MTCH2: variants seen among roughly 807,000 people sequenced by gnomAD.
MTCH2 encodes the protein mitochondrial carrier 2, also known as mitochondrial carrier homolog 2.
Under a neutral mutation model 50.6 loss-of-function variants are expected in MTCH2, and 25 were observed. That is an observed-to-expected ratio of 0.49 (90% confidence interval 0.36 to 0.69). MTCH2 has a LOEUF of 0.69. Ranked by LOEUF, MTCH2 falls within the 30% of genes least tolerant of loss-of-function variation. The probability of loss-of-function intolerance (pLI) is 0.00; values close to 1 mark genes in which losing one functional copy is unlikely to be tolerated. For missense variants in MTCH2, 273 were observed against 384.4 expected, an observed-to-expected ratio of 0.71 and a Z score of 2.42; for synonymous variants, 106 against 132.0, an observed-to-expected ratio of 0.80 and a Z score of 1.35.
Position 47,625,525 on chromosome 11 carries a change from T to A in MTCH2, c.749+149A>T, listed in dbSNP as rs1028744582. Reference sequence around the variant, plus strand: ...AAAAATTAGGAATCTTCTAATGGTATCAATTATACTTTTCCTCCCCCCCTT... The same window carrying A: ...AAAAATTAGGAATCTTCTAATGGTAACAATTATACTTTTCCTCCCCCCCTT... On this transcript the variant is annotated intron_variant, in intron 11 of 12. Coordinates refer to ENST00000302503, the MANE Select transcript of MTCH2 (RefSeq NM_014342.4). The A allele has an allele frequency of 8.4e-5, 46 of 545,608 alleles. No individual in the cohort carries two copies. The Middle Eastern group carries it at 1.1e-3, about 13-fold the overall frequency. The allele number at this position is 545,608 out of a possible 1,614,324, so 33.8% of individuals were successfully genotyped here.
intron 5 of MTCH2, 95 bp from the exon 6 acceptor site, chr11:47,631,806 G>A: frequency 7.7e-7 from 1 of 1,296,462 alleles, no homozygotes; most frequent in Non-Finnish European, 1.1e-6. Flanking sequence ...TATAGGATAA[G>A]AAAGTGAATG....
intron 1 of MTCH2, among the ~76,000 whole-genome samples, chr11:47,641,022 G>A (rs968820454): frequency 2.0e-5 from 3 of 151,856 alleles, no homozygotes; most frequent in Non-Finnish European, 4.4e-5. Flanking sequence ...TCAGCCTCCC[G>A]ACTAGCTGGG....
chr11:47,615,547 G>A (rs570193812), downstream of MTCH2, among the ~76,000 whole-genome samples: 12 of 152,126 alleles, frequency 7.9e-5, no homozygotes, highest in South Asian at 1.5e-3. Flanking sequence ...TCTAGAATAG[G>A]AAATTATAGT....
the MTCH2 span, among the ~76,000 whole-genome samples, chr11:47,604,748 G>A: frequency 2.0e-5 from 3 of 151,988 alleles, no homozygotes; most frequent in East Asian, 1.9e-4. Flanking sequence ...TGAAATAATC[G>A]CTAAGAAATG....
chr11:47,630,554 C>T lies in MTCH2; in HGVS notation c.539+1G>A. On this transcript the variant is annotated splice_donor_variant, in intron 8 of 12. Transcript: ENST00000302503. LOFTEE classifies it high-confidence loss of function. ...TTACACACTAATCAACATTTACTCA[C>T]GCGAAAAATCCTAGAATGCCCTCTT... 2 of 1,609,520 alleles carry T rather than the reference C, an allele frequency of 1.2e-6. No individual in the cohort carries two copies. Among genetic ancestry groups the T allele is most frequent in the Non-Finnish European group, 1.7e-6 (2 of 1,175,836 alleles).
In MTCH2 at chr11:47,628,975, T is replaced by A. The variant is rs1273517095; in HGVS notation, c.611A>T (p.Asn204Ile). The change falls in exon 9 of 13, where the codon AAT becomes ATT. Residue 204 changes from asparagine to isoleucine, a missense_variant. Asn to Ile is a moderately radical substitution (Grantham distance 149). Around this residue, in one of 2 missense-constraint regions of MTCH2, gnomAD observed 70 missense variants for 140.1 expected, o/e 0.50. Coordinates refer to ENST00000302503, the MANE Select transcript of MTCH2 (RefSeq NM_014342.4). ...WLCNSLAYLV[N>I]TYALDSGVST... is the part of the protein sequence containing the mutation. ...TACCCCACTGTCCAGTGCATAGGTA[T>A]TGACGAGGTAGGCCAGTGAGTTACA... The A allele has an allele frequency of 6.2e-7, 1 of 1,613,796 alleles. No homozygotes were observed. Among genetic ancestry groups the A allele is most frequent in the African/African-American group, 1.3e-5 (1 of 74,854 alleles).
downstream of MTCH2, among the ~76,000 whole-genome samples, chr11:47,612,708 A>G (rs2097286280): frequency 6.6e-6 from 1 of 151,672 alleles, no homozygotes; most frequent in Admixed American, 6.6e-5. Flanking sequence ...AGCCTGGGCA[A>G]CCAGAGTGAG....
chr11:47,635,472 CAA>C, intron 4 of MTCH2, 71 bp downstream of exon 4: 1 of 1,543,606 alleles, frequency 6.5e-7, no homozygotes, highest in South Asian at 1.1e-5. Flanking sequence ...GGCTTTTCTC[CAA>C]AAGAGGCCCC....
At chr11:47,610,326 G>C in the MTCH2 span, among the ~76,000 whole-genome samples, 2 of 152,166 alleles carry the variant, frequency 1.3e-5, no homozygotes, top group Non-Finnish European at 2.9e-5. Flanking sequence ...TCTATACTTG[G>C]AAAGTAGCCC....
At chr11:47,626,991 A>C in intron 10 of MTCH2, 89 bp downstream of exon 10, 1 of 964,196 alleles carries the variant, frequency 1.0e-6, no homozygotes. Context: ...GGTTATCTTA[A>C]AGCAGTGATG....
chr11:47,615,189 C>A (rs958483874), downstream of MTCH2, among the ~76,000 whole-genome samples: 1 of 152,032 alleles, frequency 6.6e-6, no homozygotes, highest in Non-Finnish European at 1.5e-5. Context: ...AGGTGCACAC[C>A]ACCAAGCCTG....
intron 12 of MTCH2, 104 bp downstream of exon 12, chr11:47,622,597 G>T: frequency 1.1e-6 from 1 of 891,980 alleles, no homozygotes; most frequent in Non-Finnish European, 1.7e-6. Flanking sequence ...TCTAGCTAAA[G>T]TGAGCTACAA....
At chr11:47,633,443 A>T (rs2097305197) in intron 5 of MTCH2, among the ~76,000 whole-genome samples, 1 of 144,134 alleles carries the variant, frequency 6.9e-6, no homozygotes, top group South Asian at 2.2e-4. Flanking sequence ...AATTTCATGA[A>T]AATTTACAGA....
chr11:47,612,360 G>T (rs2097286092), downstream of MTCH2, among the ~76,000 whole-genome samples: 1 of 152,166 alleles, frequency 6.6e-6, no homozygotes. Flanking sequence ...GAGGTCAGGA[G>T]ATCAAGACCA....
the MTCH2 span, among the ~76,000 whole-genome samples, chr11:47,606,646 T>G: frequency 6.6e-6 from 1 of 152,210 alleles, no homozygotes; most frequent in African/African-American, 2.4e-5. Flanking sequence ...TTTCTAACTT[T>G]TCAAATCATT....
the MTCH2 span, among the ~76,000 whole-genome samples, chr11:47,610,540 A>G: frequency 8.5e-5 from 13 of 152,194 alleles, no homozygotes; most frequent in African/African-American, 2.9e-4. Flanking sequence ...CCCCGTCTCT[A>G]CTAAAAATAC....
At chr11:47,629,308 A>G (rs909307584) in intron 8 of MTCH2, 8 of 390,906 alleles carry the variant, frequency 2.0e-5, no homozygotes, top group Non-Finnish European at 2.9e-5. Context: ...CTTACTATTC[A>G]TAACTGTAAG....
At chr11:47,614,266 CTA>C (rs2097287133), downstream of MTCH2, among the ~76,000 whole-genome samples, 1 of 151,868 alleles carries the variant, frequency 6.6e-6, no homozygotes. Context: ...AAATTCCTGA[CTA>C]TGATTTCGAG....
chr11:47,615,868 C>T (rs1183697398), downstream of MTCH2, among the ~76,000 whole-genome samples: 1 of 151,758 alleles, frequency 6.6e-6, no homozygotes, highest in Non-Finnish European at 1.5e-5. Context: ...TCATGATCCA[C>T]CCGCCTCGGC....
Sources: allele counts gnomAD v4.1 joint callset (sites outside exome capture counted in the v4.1 genomes callset), GRCh38; gene constraint gnomAD v4.1.1; regional missense constraint gnomAD v4.1.1; transcripts MANE v1.5; gene names NCBI Gene and HGNC (gene_info 2026-07-23, HGNC 2026-07-21).